Variants in SNED1 observed in about 807,000 individuals in gnomAD.
SNED1 encodes sushi, nidogen and EGF like domains 1.
A neutral mutation model predicts 166.7 loss-of-function variants in SNED1; 81 were observed. The ratio of observed to expected loss-of-function variants is 0.49; its 90% CI spans 0.41 to 0.58. SNED1 has a LOEUF of 0.58. Among genes scored for constraint, SNED1 ranks in the 20% least tolerant of loss-of-function variants. The probability of loss-of-function intolerance (pLI) is 0.00; values close to 1 mark genes in which losing one functional copy is unlikely to be tolerated. For missense variants in SNED1, 1,604 were observed against 2,000.2 expected, an observed-to-expected ratio of 0.80 and a Z score of 3.78; for synonymous variants, 762 against 822.0, an observed-to-expected ratio of 0.93 and a Z score of 1.25.
chr2:241,055,808 G>C (rs74000337), intron 16 of SNED1, among the ~76,000 whole-genome samples: 5,246 of 152,278 alleles, frequency 0.034, 302 homozygotes, highest in African/African-American at 0.12. Context: ...AGTCTCACAA[G>C]GATTAGATTC....
At chr2:241,003,160 C>G (rs1242715100) in intron 1 of SNED1, among the ~76,000 whole-genome samples, 1 of 151,730 alleles carries the variant, frequency 6.6e-6, no homozygotes, top group Non-Finnish European at 1.5e-5. Flanking sequence ...CAGCCCCACC[C>G]TCTGTGCTCA....
intron 31 of SNED1, among the ~76,000 whole-genome samples, chr2:241,090,906 G>A (rs941044111): frequency 1.6e-4 from 24 of 151,852 alleles, no homozygotes; most frequent in African/African-American, 5.8e-4. Flanking sequence ...TCTGTACGAT[G>A]GCTATGACCT....
At position 241,069,673 on chromosome 2, in the gene SNED1, TG is replaced by T. The variant is rs1487517263; in HGVS notation, c.3308-242del. ...GGGCGCCAGCTGACGGGCCAGGGCC[TG>T]GGGGCTTCACAGGGTGGATCCTAAC... is the stretch of plus-strand genomic sequence containing the variant. On this transcript the variant is annotated intron_variant, in intron 23 of 31. Coordinates refer to ENST00000310397, the MANE Select transcript of SNED1 (RefSeq NM_001080437.3). The surrounding 1 kb of genome is among the most constrained non-coding windows in gnomAD (Gnocchi z 4.9). Among the ~76,000 whole-genome samples, 3 of 151,508 alleles carry T rather than the reference TG, an allele frequency of 2.0e-5. No individual in the cohort carries two copies. The highest frequency in any genetic ancestry group is 7.3e-5 in the African/African-American group (3 of 40,942).
At chr2:241,027,105 G>T (rs1455836909) in intron 1 of SNED1, among the ~76,000 whole-genome samples, 1 of 150,786 alleles carries the variant, frequency 6.6e-6, no homozygotes, top group Non-Finnish European at 1.5e-5. Flanking sequence ...TTTAAAGACA[G>T]GGTCTCACTC....
Position 241,037,253 on chromosome 2 carries a change from T to C in SNED1, c.945T>C (p.Cys315=), listed in dbSNP as rs1341573359. ...GRRCHLDVNE[C]ASQPCQNGGT... ...CCCATGTTTCAGACGTGAACGAATG[T>C]GCCTCCCAGCCCTGTCAGAATGGTG... The change falls in exon 6 of 32, where the codon TGT becomes TGC. Residue 315 remains cysteine (C), a synonymous_variant. Transcript: ENST00000310397. The C allele has an allele frequency of 5.0e-6, 8 of 1,609,988 alleles. No homozygotes were observed. Among genetic ancestry groups the C allele is most frequent in the Non-Finnish European group, 6.8e-6 (8 of 1,178,504 alleles).
At chr2:241,053,595 A>T (rs747235429) in intron 16 of SNED1, among the ~76,000 whole-genome samples, 5 of 152,016 alleles carry the variant, frequency 3.3e-5, no homozygotes, top group Non-Finnish European at 7.4e-5. Flanking sequence ...CCAAATACCC[A>T]CTCTGCAGAT....
Position 240,999,040 on chromosome 2 carries a change from C to T in SNED1, c.203C>T (p.Ser68Phe). 7.6e-7 allele frequency: 1 copy of T among 1,318,164 alleles called. No individual in the cohort carries two copies. Among genetic ancestry groups the T allele is most frequent in the Non-Finnish European group, 9.7e-7 (1 of 1,029,520 alleles). 81.7% of individuals were successfully genotyped at this position (1,318,164 alleles called of 1,614,324 possible). The change falls in exon 1 of 32, where the codon TCC becomes TTC. Residue 68 changes from serine to phenylalanine, a missense_variant. Transcript: ENST00000310397. The surrounding 1 kb of genome is among the most constrained non-coding windows in gnomAD (Gnocchi z 5.8). ...VPFPFFGAEH[S>F]GLYVNNNGII... The stretch of plus-strand genomic sequence containing the variant: ...TTCCCGTTCTTCGGTGCCGAGCACT[C>T]CGGACTCTACGTGAGTAACCCCCGG...
Position 241,075,508 on chromosome 2 carries a change from G to A in SNED1, c.3916+2144G>A, listed in dbSNP as rs190477169. On this transcript the variant is annotated intron_variant, in intron 27 of 31. Transcript: ENST00000310397. This position sits in a 1 kb window ranked among gnomAD's most constrained non-coding sequence, Gnocchi z 4.8. Reference sequence around the variant, plus strand: ...TCATGGGCATCCACCAAAGGTGTTTGCTTCTGTGAAATGCCTGATCACGCC... The same window carrying A: ...TCATGGGCATCCACCAAAGGTGTTTACTTCTGTGAAATGCCTGATCACGCC... 8 of 152,334 alleles carry A rather than the reference G, an allele frequency of 5.3e-5. No homozygotes were observed. The highest frequency in any genetic ancestry group is 2.1e-4 in the South Asian group (1 of 4,826). 9.4% of individuals were successfully genotyped at this position (152,334 alleles called of 1,614,324 possible). A position where few individuals can be genotyped will look rare whatever the true frequency, so the allele number is the denominator to read the frequency against.
Position 241,065,444 on chromosome 2 carries a change from C to T in SNED1, c.2859C>T (p.Arg953=), listed in dbSNP as rs779466577. The T allele has an allele frequency of 1.2e-6, 2 of 1,612,974 alleles. No homozygotes were observed. Among genetic ancestry groups the T allele is most frequent in the Non-Finnish European group, 1.7e-6 (2 of 1,179,860 alleles). Residue 953 remains arginine (R), a synonymous_variant, in exon 21 of 32, where the codon CGC becomes CGT. Transcript: ENST00000310397. ...ACGTCTCCTCCGACGGCTCCTACCGCCGCACAGACTTTGTGGACAGGACCC... is the reference window on the plus strand; with the variant it reads ...ACGTCTCCTCCGACGGCTCCTACCGTCGCACAGACTTTGTGGACAGGACCC... ...VTYVSSDGSY[R]RTDFVDRTRS... is the part of the protein sequence containing the mutation.
rs1007788668 is a variant in SNED1, at chr2:241,068,260, A to G, written c.3194+313A>G. Reference sequence around the variant, plus strand: ...GATCATGAGAGTGACTTGGCCCCTCAGAGAGCAGCGGCCAGCGAGGGTAGA... The same window carrying G: ...GATCATGAGAGTGACTTGGCCCCTCGGAGAGCAGCGGCCAGCGAGGGTAGA... On this transcript the variant is annotated intron_variant, in intron 22 of 31. Coordinates refer to ENST00000310397, the MANE Select transcript of SNED1 (RefSeq NM_001080437.3). The surrounding 1 kb of genome is among the most constrained non-coding windows in gnomAD (Gnocchi z 5.3). 6.6e-6 allele frequency among the ~76,000 whole-genome samples: 1 copy of G among 151,938 alleles called. No individual in the cohort carries two copies. Among genetic ancestry groups the G allele is most frequent in the African/African-American group, 2.4e-5 (1 of 41,212 alleles).
At chr2:241,074,639 C>T (rs547863484) in intron 27 of SNED1, 4 of 152,298 alleles carry the variant, frequency 2.6e-5, no homozygotes, top group African/African-American at 9.6e-5. Flanking sequence ...GCACGAGATG[C>T]TCATGCCCTG....
At position 241,018,914 on chromosome 2, in the gene SNED1, C is replaced by G. The variant is rs990007447; in HGVS notation, c.214-11370C>G. The stretch of plus-strand genomic sequence containing the variant: ...CTGTCAGGGAAAGAGCCTTATCAGG[C>G]CCAGAAACGGTCAGGGCCAAACCTC... On this transcript the variant is annotated intron_variant, in intron 1 of 31. Coordinates refer to ENST00000310397, the MANE Select transcript of SNED1 (RefSeq NM_001080437.3). The surrounding 1 kb of genome is among the most constrained non-coding windows in gnomAD (Gnocchi z 5.4). Among the ~76,000 whole-genome samples, 9 of 152,154 alleles carry G rather than the reference C, an allele frequency of 5.9e-5. No individual in the cohort carries two copies. The highest frequency in any genetic ancestry group is 3.3e-4 in the Admixed American group (5 of 15,288).
intron 1 of SNED1, among the ~76,000 whole-genome samples, chr2:241,024,847 T>C (rs1167134888): frequency 1.3e-5 from 2 of 151,844 alleles, no homozygotes; most frequent in African/African-American, 4.8e-5. Context: ...AATTTTTTTG[T>C]ATTTTTAGTA....
At chr2:241,081,448 G>A (rs1201630502) in intron 27 of SNED1, among the ~76,000 whole-genome samples, 1 of 152,110 alleles carries the variant, frequency 6.6e-6, no homozygotes, top group Non-Finnish European at 1.5e-5. Context: ...CAGTAATGAG[G>A]TCAGGGCCGA....
chr2:241,072,594 GA>G, intron 26 of SNED1: 1 of 266,062 alleles, frequency 3.8e-6, no homozygotes, highest in Non-Finnish European at 7.3e-6. Context: ...AGGAGGGAGG[GA>G]AATGCAGCAA....
chr2:241,003,860 G>A (rs1314962138), intron 1 of SNED1, among the ~76,000 whole-genome samples: 1 of 152,272 alleles, frequency 6.6e-6, no homozygotes, highest in Non-Finnish European at 1.5e-5. Context: ...GCTGCACACA[G>A]GAGCAGCAAT....
At chr2:241,011,386 C>T (rs544379541) in intron 1 of SNED1, among the ~76,000 whole-genome samples, 2 of 152,180 alleles carry the variant, frequency 1.3e-5, no homozygotes, top group African/African-American at 4.8e-5. Flanking sequence ...AGGCTGGCCT[C>T]AGGCCCCAGA....
intron 8 of SNED1, among the ~76,000 whole-genome samples, chr2:241,043,627 C>T (rs2061571737): frequency 6.6e-6 from 1 of 151,918 alleles, no homozygotes; most frequent in Non-Finnish European, 1.5e-5. Flanking sequence ...CTTTTTAATC[C>T]CTTTAAAGAA....
chr2:241,054,907 A>G (rs1376768790), intron 16 of SNED1, among the ~76,000 whole-genome samples: 3 of 152,180 alleles, frequency 2.0e-5, no homozygotes, highest in Non-Finnish European at 4.4e-5. Flanking sequence ...ACCTGAGGTC[A>G]GGAGTTCGAG....
Sources: allele counts gnomAD v4.1 joint callset (sites outside exome capture counted in the v4.1 genomes callset), GRCh38; gene constraint gnomAD v4.1.1; non-coding constraint Gnocchi (gnomAD v3.1); transcripts MANE v1.5; gene names NCBI Gene and HGNC (gene_info 2026-07-23, HGNC 2026-07-21).